The following DCAF7 variants were observed in gnomAD, a reference collection of about 807,000 sequenced individuals.
DCAF7 encodes DDB1- and CUL4-associated factor 7.
Under a neutral mutation model 41.2 loss-of-function variants are expected in DCAF7, and 4 were observed. The ratio of observed to expected loss-of-function variants is 0.10; its 90% CI spans 0.05 to 0.22. The LOEUF is 0.22. Among genes scored for constraint, DCAF7 ranks in the 10% least tolerant of loss-of-function variants. DCAF7 has a pLI of 1.00. For missense variants in DCAF7, 131 were observed against 443.2 expected, an observed-to-expected ratio of 0.30 and a Z score of 6.32; for synonymous variants, 143 against 164.2, an observed-to-expected ratio of 0.87 and a Z score of 0.99.
At chr17:63,563,720 T>C (rs1426669166) in intron 1 of DCAF7, among the ~76,000 whole-genome samples, 1 of 151,934 alleles carries the variant, frequency 6.6e-6, no homozygotes, top group Non-Finnish European at 1.5e-5. Flanking sequence ...GAGGCTGAGA[T>C]GGGAGGATCA....
chr17:63,552,301 C>T (rs1429413809), intron 1 of DCAF7: 1 of 151,748 alleles, frequency 6.6e-6, no homozygotes, highest in Non-Finnish European at 1.5e-5. Flanking sequence ...TTCAGGAGCA[C>T]ATTTGTTTCT....
At chr17:63,565,193 T>C (rs1449363461) in intron 1 of DCAF7, among the ~76,000 whole-genome samples, 1 of 152,164 alleles carries the variant, frequency 6.6e-6, no homozygotes, top group Non-Finnish European at 1.5e-5. Context: ...CACAACCCAG[T>C]AGAAAAACTG....
At chr17:63,569,514 T>C (rs2033482365) in intron 1 of DCAF7, among the ~76,000 whole-genome samples, 1 of 152,130 alleles carries the variant, frequency 6.6e-6, no homozygotes, top group Admixed American at 6.6e-5. Flanking sequence ...CTCCAGGCCG[T>C]GCACTCTCAC....
chr17:63,588,620 G>A (rs1471858337), intron 6 of DCAF7, among the ~76,000 whole-genome samples: 1 of 152,132 alleles, frequency 6.6e-6, no homozygotes, highest in Non-Finnish European at 1.5e-5. Context: ...AATGATCAGA[G>A]AATGATCTTT....
intron 5 of DCAF7, 137 bp downstream of exon 5, chr17:63,583,848 C>T (rs2033650010): frequency 1.1e-6 from 1 of 880,658 alleles, no homozygotes; most frequent in Non-Finnish European, 1.8e-6. Flanking sequence ...TTTTGATTGT[C>T]ACAGCTCTAG....
intron 6 of DCAF7, among the ~76,000 whole-genome samples, chr17:63,586,795 T>G (rs1357128430): frequency 6.6e-6 from 1 of 151,808 alleles, no homozygotes; most frequent in Non-Finnish European, 1.5e-5. Flanking sequence ...TGGTTGTCAA[T>G]GCACTTTTAT....
chr17:63,583,422 C>T (rs1277800388), intron 4 of DCAF7, 80 bp from the exon 5 acceptor site: 8 of 1,275,812 alleles, frequency 6.3e-6, no homozygotes, highest in Non-Finnish European at 9.0e-6. Flanking sequence ...TTTAGATGAA[C>T]TGGACGTGGC....
chr17:63,578,424 G>C, intron 1 of DCAF7, 46 bp from the exon 2 acceptor site: 2 of 1,612,512 alleles, frequency 1.2e-6, no homozygotes, highest in Non-Finnish European at 1.7e-6. Context: ...TGTATTTGCT[G>C]TACTGCTCAC....
intron 1 of DCAF7, among the ~76,000 whole-genome samples, chr17:63,574,980 T>A (rs1417993013): frequency 6.6e-6 from 1 of 151,962 alleles, no homozygotes; most frequent in Non-Finnish European, 1.5e-5. Context: ...TTAAAAAAAA[T>A]AAAACACAAT....
chr17:63,581,424 G>A (rs1397664406), intron 4 of DCAF7, among the ~76,000 whole-genome samples: 1 of 152,238 alleles, frequency 6.6e-6, no homozygotes, highest in Non-Finnish European at 1.5e-5. Flanking sequence ...GCAGGAAGCT[G>A]CAGCTGCCTA....
At position 63,578,631 on chromosome 17, in the gene DCAF7, A is replaced by G; in HGVS notation, c.297+3A>G. ...GTGACTATCTCCGTGTGTGGAGGGTAAGCGGATGCTTTATTAGCAGCCAGA... is the reference window on the plus strand; with the variant it reads ...GTGACTATCTCCGTGTGTGGAGGGTGAGCGGATGCTTTATTAGCAGCCAGA... On this transcript the variant is annotated splice_donor_region_variant and intron_variant, in intron 2 of 6. Transcript: ENST00000614556. 1 of 1,614,004 alleles carries G rather than the reference A, an allele frequency of 6.2e-7. No individual in the cohort carries two copies. Among genetic ancestry groups the G allele is most frequent in the Non-Finnish European group, 8.5e-7 (1 of 1,179,844 alleles).
chr17:63,578,035 T>C (rs2033581161), intron 1 of DCAF7, among the ~76,000 whole-genome samples: 1 of 152,186 alleles, frequency 6.6e-6, no homozygotes. Flanking sequence ...GCAATCGTTT[T>C]TGATTCTGCA....
At chr17:63,567,532 C>T (rs1206882964) in intron 1 of DCAF7, among the ~76,000 whole-genome samples, 2 of 152,182 alleles carry the variant, frequency 1.3e-5, no homozygotes, top group African/African-American at 2.4e-5. Context: ...TTGAAGAAAA[C>T]ACAATCAATT....
At chr17:63,552,800 GT>G (rs1405485340) in intron 1 of DCAF7, among the ~76,000 whole-genome samples, 1 of 152,230 alleles carries the variant, frequency 6.6e-6, no homozygotes, top group Non-Finnish European at 1.5e-5. Flanking sequence ...CTCTACCCCA[GT>G]TTGTCCTTTC....
chr17:63,574,414 C>T (rs535864859), intron 1 of DCAF7, among the ~76,000 whole-genome samples: 14 of 152,276 alleles, frequency 9.2e-5, no homozygotes, highest in African/African-American at 3.1e-4. Flanking sequence ...CATCTTTATA[C>T]GTTAACTCCC....
At position 63,585,432 on chromosome 17, in the gene DCAF7, A is replaced by G. The variant is rs529523695; in HGVS notation, c.856+104A>G. 3 of 1,053,154 alleles carry G rather than the reference A, an allele frequency of 2.8e-6. No homozygotes were observed. In the African/African-American group the frequency reaches 4.8e-5, roughly 17 times the overall value. The allele number at this position is 1,053,154 out of a possible 1,614,324, so 65.2% of individuals were successfully genotyped here. A position where few individuals can be genotyped will look rare whatever the true frequency, so the allele number is the denominator to read the frequency against. ...ACTGTTTTCTAAGCACAGTCTTGAG[A>G]GATTTATACAAAATGACTAGTTGGA... is the stretch of plus-strand genomic sequence containing the variant. On this transcript the variant is annotated intron_variant, in intron 6 of 6. Transcript: ENST00000614556.
chr17:63,575,755 T>G (rs1041671728), intron 1 of DCAF7, among the ~76,000 whole-genome samples: 1 of 152,242 alleles, frequency 6.6e-6, no homozygotes. Context: ...TTGGAAGACT[T>G]AATATTGTAA....
chr17:63,571,507 GATTTTA>G (rs927173513), intron 1 of DCAF7, among the ~76,000 whole-genome samples: 1 of 151,996 alleles, frequency 6.6e-6, no homozygotes, highest in African/African-American at 2.4e-5. Context: ...TATGTGGTGG[GATTTTA>G]ATTTTAATTT....
chr17:63,572,309 G>A (rs942119466), intron 1 of DCAF7, among the ~76,000 whole-genome samples: 8 of 152,180 alleles, frequency 5.3e-5, no homozygotes, highest in African/African-American at 1.9e-4. Context: ...GTTAAGTGGG[G>A]AGCCCTAGAA....
Sources: allele counts gnomAD v4.1 joint callset (sites outside exome capture counted in the v4.1 genomes callset), GRCh38; gene constraint gnomAD v4.1.1; transcripts MANE v1.5; gene names NCBI Gene and HGNC (gene_info 2026-07-23, HGNC 2026-07-21).